Variants in ZNF701 observed in about 807,000 individuals in gnomAD.
The protein encoded by ZNF701 is zinc finger protein 701.
ZNF701 carries 6 observed loss-of-function variants against 7.1 expected under a neutral mutation model. That is an observed-to-expected ratio of 0.84 (90% CI 0.46 to 1.66). The LOEUF is 1.66. Among genes scored for constraint, ZNF701 ranks in the 40% most tolerant of loss-of-function variants. The pLI, the probability that ZNF701 is intolerant of heterozygous loss-of-function variation, is 0.01. For synonymous variants in ZNF701, 166 were observed against 188.2 expected, an observed-to-expected ratio of 0.88 and a Z score of 0.97; for missense variants, 541 against 559.2, an observed-to-expected ratio of 0.97 and a Z score of 0.33.
rs375890850 is a variant in ZNF701 at position 52,582,499 on chromosome 19, A to T, written c.440A>T (p.His147Leu). 1.2e-6 allele frequency: 2 copies of T among 1,614,110 alleles called. No homozygotes were observed. Among genetic ancestry groups the T allele is most frequent in the East Asian group, 4.5e-5 (2 of 44,898 alleles). The change falls in exon 4 of 4, where the codon CAT becomes CTT. Residue 147 changes from histidine to leucine, a missense_variant. By Grantham distance (99) the His-to-Leu change is moderately conservative. Transcript: ENST00000391785. ...GAGCTTGGATCAAGCTTTCATTCGC[A>T]TCTGCCTGAAGTGCACATATTTCAC... ...KNELGSSFHS[H>L]LPEVHIFHPE...
In ZNF701 at chr19:52,582,831, C is replaced by T. The variant is rs561925183; in HGVS notation, c.772C>T (p.Leu258Phe). The change falls in exon 4 of 4, where the codon CTT (leucine) becomes TTT (phenylalanine). Residue 258 changes from leucine (L) to phenylalanine (F), a missense_variant. Physicochemically the swap from Leu to Phe is conservative, Grantham distance 22. Transcript: ENST00000391785. ...CGKDFHQKRY[L>F]ACHRCHTGEN... ...CAAGGACTTTCATCAGAAGCGATAC[C>T]TTGCATGCCATAGATGTCACACTGG... 3 of 1,614,006 alleles carry T rather than the reference C, an allele frequency of 1.9e-6. No individual in the cohort carries two copies. Among genetic ancestry groups the T allele is most frequent in the Middle Eastern group, 1.6e-4 (1 of 6,084 alleles).
the ZNF701 span, chr19:52,595,851 G>A: frequency 1.4e-5 from 22 of 1,612,390 alleles, no homozygotes; most frequent in Admixed American, 3.3e-5. Flanking sequence ...ACAGACTGAC[G>A]TGATCAAAGA....
downstream of ZNF701, among the ~76,000 whole-genome samples, chr19:52,589,916 C>T (rs1194119929): frequency 6.6e-6 from 1 of 151,938 alleles, no homozygotes; most frequent in Non-Finnish European, 1.5e-5. Context: ...ACCTCAGCTT[C>T]ACAAGTAGCT....
the ZNF701 span, among the ~76,000 whole-genome samples, chr19:52,599,948 A>G: frequency 1.3e-5 from 2 of 152,040 alleles, no homozygotes; most frequent in African/African-American, 4.8e-5. Context: ...TACCAAGTAG[A>G]GTCAGGATGA....
chr19:52,578,253 C>CAA (rs58385761), intron 3 of ZNF701, among the ~76,000 whole-genome samples: 5,113 of 40,322 alleles, frequency 0.13, 537 homozygotes, highest in African/African-American at 0.23. Flanking sequence ...GACTCCGTCT[C>CAA]AAAAAAAAAA....
At position 52,580,664 on chromosome 19, in the gene ZNF701, A is replaced by G. The variant is rs536534571; in HGVS notation, c.143-1538A>G. On this transcript the variant is annotated intron_variant, in intron 3 of 3. Coordinates refer to ENST00000391785, the MANE Select transcript of ZNF701 (RefSeq NM_018260.3). Reference sequence around the variant, plus strand: ...AGTTGTGGCTTTTTTCTTAATAGGGAATTGTTTACAATTCTGCAGGCTGCA... The same window carrying G: ...AGTTGTGGCTTTTTTCTTAATAGGGGATTGTTTACAATTCTGCAGGCTGCA... 5.9e-5 allele frequency among the ~76,000 whole-genome samples: 9 copies of G among 152,194 alleles called. No homozygotes were observed. The East Asian group carries it at 1.5e-3, about 26-fold the overall frequency.
chr19:52,596,495 C>T, the ZNF701 span: 1 of 434,340 alleles, frequency 2.3e-6, no homozygotes, highest in East Asian at 6.3e-5. Flanking sequence ...TAATTCATGC[C>T]TTTCATGCCG....
At chr19:52,595,719 C>T in the ZNF701 span, 3 of 1,539,950 alleles carry the variant, frequency 1.9e-6, no homozygotes, top group Non-Finnish European at 2.7e-6. Flanking sequence ...AGTCATCACA[C>T]TGGAGATTTT....
chr19:52,570,774 A>AC (rs2059892610), intron 1 of ZNF701: 1 of 151,868 alleles, frequency 6.6e-6, no homozygotes, highest in South Asian at 2.1e-4. Flanking sequence ...GCGTCGTCGC[A>AC]CCCCACCTCC....
intron 3 of ZNF701, among the ~76,000 whole-genome samples, chr19:52,578,417 C>T (rs1228587737): frequency 6.6e-6 from 1 of 152,184 alleles, no homozygotes; most frequent in Non-Finnish European, 1.5e-5. Flanking sequence ...CCTCCTTACC[C>T]TGCCCCCTTG....
intron 3 of ZNF701, 63 bp from the exon 4 acceptor site, chr19:52,582,139 A>G (rs910147601): frequency 5.0e-5 from 68 of 1,358,276 alleles, no homozygotes; most frequent in South Asian, 2.8e-4. Context: ...TAATATTTAC[A>G]CATTTCAGTA....
chr19:52,582,114 G>A, intron 3 of ZNF701, 88 bp from the exon 4 acceptor site: 3 of 1,183,074 alleles, frequency 2.5e-6, no homozygotes, highest in South Asian at 1.9e-5. Flanking sequence ...TTTAAAATAA[G>A]TATTGTTTTT....
intron 3 of ZNF701, among the ~76,000 whole-genome samples, chr19:52,580,299 A>G (rs1568504074): frequency 6.6e-6 from 1 of 152,142 alleles, no homozygotes; most frequent in Non-Finnish European, 1.5e-5. Flanking sequence ...CATTTCTGCT[A>G]ACGTATATAT....
chr19:52,598,505 A>G, the ZNF701 span: 4 of 152,172 alleles, frequency 2.6e-5, no homozygotes, highest in African/African-American at 9.7e-5. Flanking sequence ...AGAAGGGATT[A>G]TTAAACTAAG....
the ZNF701 span, chr19:52,596,105 G>T: frequency 9.8e-7 from 1 of 1,024,394 alleles, no homozygotes. Context: ...ACACATGAGG[G>T]AAAAACCTTT....
intron 2 of ZNF701, 99 bp from the exon 3 acceptor site, chr19:52,575,796 C>G (rs2059930649): frequency 1.2e-6 from 1 of 820,308 alleles, no homozygotes; most frequent in East Asian, 2.8e-5. Context: ...GGAACATTCT[C>G]TGCAATTAAA....
At chr19:52,595,628 A>C in the ZNF701 span, 2 of 1,163,370 alleles carry the variant, frequency 1.7e-6, no homozygotes, top group South Asian at 1.5e-5. Flanking sequence ...TAGCTCTTTA[A>C]AATCCATGAT....
chr19:52,571,966 GGCAT>G (rs2059903593), intron 1 of ZNF701, among the ~76,000 whole-genome samples: 1 of 152,108 alleles, frequency 6.6e-6, no homozygotes. Flanking sequence ...TGGGATTACA[GGCAT>G]GTGCCACCAC....
intron 3 of ZNF701, among the ~76,000 whole-genome samples, chr19:52,581,406 G>T (rs1043161678): frequency 6.6e-6 from 1 of 151,816 alleles, no homozygotes; most frequent in Non-Finnish European, 1.5e-5. Flanking sequence ...GTTTAGTAGA[G>T]AAGAGGTTTT....
Sources: gnomAD v4.1 joint callset for allele counts (sites outside exome capture counted in the v4.1 genomes callset) on GRCh38, gnomAD v4.1.1 for gene constraint, MANE v1.5 for transcripts, NCBI Gene and HGNC (gene_info 2026-07-23, HGNC 2026-07-21) for gene names.